The following COL21A1 variants were observed in gnomAD, a reference collection of about 807,000 sequenced individuals.
The protein encoded by COL21A1 is collagen type XXI alpha 1 chain.
In COL21A1, 149 loss-of-function variants were observed where a neutral mutation model predicts 137.9. The ratio of observed to expected loss-of-function variants is 1.08; its 90% CI spans 0.95 to 1.24. The LOEUF (loss-of-function observed/expected upper bound fraction) is 1.24, where lower values mean the gene tolerates loss of function less well. Ranked by LOEUF, COL21A1 falls within the 50% of genes most tolerant of loss-of-function variation. COL21A1 has a pLI of 0.00. For synonymous variants in COL21A1, 456 were observed against 391.5 expected (o/e 1.16, Z -1.95); for missense variants, 1,167 against 1,158.4 (o/e 1.01, Z -0.11).
chr6:56,143,066 A>G (rs1024447643), intron 10 of COL21A1, among the ~76,000 whole-genome samples: 2 of 151,866 alleles, frequency 1.3e-5, no homozygotes, highest in Non-Finnish European at 2.9e-5. Context: ...ATTCTTTGCT[A>G]CCTCTAGTAA....
chr6:56,084,412 A>G (rs893879248), intron 17 of COL21A1, among the ~76,000 whole-genome samples: 6 of 151,956 alleles, frequency 3.9e-5, no homozygotes, highest in Non-Finnish European at 7.4e-5. Flanking sequence ...ATTTGTAAAG[A>G]AAAAGTCCAG....
intron 1 of COL21A1, among the ~76,000 whole-genome samples, chr6:56,359,504 GT>G (rs896579835): frequency 6.6e-6 from 1 of 152,078 alleles, no homozygotes; most frequent in African/African-American, 2.4e-5. Context: ...GTTGGTTTGG[GT>G]TTTTTTCTGT....
At chr6:56,241,040 C>G (rs1782285075) in intron 1 of COL21A1, among the ~76,000 whole-genome samples, 1 of 152,130 alleles carries the variant, frequency 6.6e-6, no homozygotes, top group South Asian at 2.1e-4. Flanking sequence ...CATAGGCACC[C>G]AAGTAGGAGC....
chr6:56,143,345 C>A (rs931306708), intron 10 of COL21A1, among the ~76,000 whole-genome samples: 1 of 151,622 alleles, frequency 6.6e-6, no homozygotes, highest in Non-Finnish European at 1.5e-5. Flanking sequence ...GGACTACAGG[C>A]GTCCACCACC....
intron 3 of COL21A1, among the ~76,000 whole-genome samples, chr6:56,172,854 A>G (rs960090314): frequency 1.3e-5 from 2 of 152,156 alleles, no homozygotes; most frequent in African/African-American, 4.8e-5. Flanking sequence ...TGTTATAATT[A>G]CATGATGTTT....
intron 12 of COL21A1, among the ~76,000 whole-genome samples, chr6:56,137,732 A>C (rs1774104972): frequency 6.6e-6 from 1 of 151,306 alleles, no homozygotes; most frequent in South Asian, 2.1e-4. Context: ...TAATACCAAC[A>C]GAAAAAAGAG....
intron 1 of COL21A1, among the ~76,000 whole-genome samples, chr6:56,288,478 T>C (rs1763966129): frequency 6.6e-6 from 1 of 152,206 alleles, no homozygotes; most frequent in South Asian, 2.1e-4. Context: ...GCAATTATGC[T>C]CAAGAGATGA....
intron 10 of COL21A1, among the ~76,000 whole-genome samples, chr6:56,144,416 A>G (rs903412342): frequency 3.9e-5 from 6 of 152,228 alleles, no homozygotes; most frequent in Admixed American, 3.9e-4. Context: ...GAGTGCCCAG[A>G]GGAAAGGAAT....
chr6:56,383,595 A>C (rs1210533425), intron 1 of COL21A1, among the ~76,000 whole-genome samples: 1 of 152,198 alleles, frequency 6.6e-6, no homozygotes, highest in Non-Finnish European at 1.5e-5. Flanking sequence ...GATTCTGATA[A>C]GGAAAGAAAA....
intron 17 of COL21A1, among the ~76,000 whole-genome samples, chr6:56,098,678 A>AATATATATAAATATATAAAT (rs1307058258): frequency 1.9e-5 from 1 of 52,064 alleles, no homozygotes; most frequent in African/African-American, 8.4e-5. Context: ...TATATATATA[A>AATATATATAAATATATAAAT]ATATATATAA....
chr6:56,088,686 C>A (rs1375110896), intron 17 of COL21A1, among the ~76,000 whole-genome samples: 1 of 152,086 alleles, frequency 6.6e-6, no homozygotes, highest in Admixed American at 6.6e-5. Context: ...TTTTTGGGAG[C>A]ACTTCCAAAA....
At chr6:56,247,016 C>T (rs1782689303) in intron 1 of COL21A1, among the ~76,000 whole-genome samples, 1 of 152,182 alleles carries the variant, frequency 6.6e-6, no homozygotes, top group Admixed American at 6.5e-5. Flanking sequence ...CAGCTCTGCG[C>T]GCTCAGCGCC....
intron 16 of COL21A1, among the ~76,000 whole-genome samples, chr6:56,114,914 G>A (rs1337825142): frequency 2.7e-5 from 4 of 147,906 alleles, no homozygotes; most frequent in Non-Finnish European, 6.0e-5. Flanking sequence ...CAAAGACTTG[G>A]AACCAACCCA....
At chr6:56,285,868 G>A (rs954676032) in intron 1 of COL21A1, among the ~76,000 whole-genome samples, 2 of 139,364 alleles carry the variant, frequency 1.4e-5, no homozygotes, top group African/African-American at 5.3e-5. Flanking sequence ...CCCAAACACA[G>A]CTTGCTTACT....
intron 16 of COL21A1, among the ~76,000 whole-genome samples, chr6:56,116,826 G>A (rs982882759): frequency 1.3e-5 from 2 of 151,966 alleles, no homozygotes; most frequent in African/African-American, 4.8e-5. Flanking sequence ...GTTAAGGCAA[G>A]TTTTTATTAG....
intron 1 of COL21A1, chr6:56,276,806 T>G (rs1344018048): frequency 8.0e-5 from 69 of 858,552 alleles, no homozygotes; most frequent in Non-Finnish European, 1.1e-4. Context: ...GTGTTTTTTT[T>G]GTTTTTTTTG....
At chr6:56,218,637 C>T (rs1780633797) in intron 1 of COL21A1, among the ~76,000 whole-genome samples, 1 of 152,068 alleles carries the variant, frequency 6.6e-6, no homozygotes, top group Admixed American at 6.6e-5. Context: ...TTACTTACTG[C>T]TCATTTTACA....
intron 1 of COL21A1, among the ~76,000 whole-genome samples, chr6:56,368,094 A>T (rs879726472): frequency 2.5e-4 from 38 of 152,222 alleles, no homozygotes; most frequent in African/African-American, 8.0e-4. Flanking sequence ...GTGAAAAAAA[A>T]TTTTAACCTT....
chr6:56,278,323 C>G (rs79082665), intron 1 of COL21A1, among the ~76,000 whole-genome samples: 17,663 of 152,108 alleles, frequency 0.12, 1,825 homozygotes, highest in African/African-American at 0.28. Flanking sequence ...CAAAAGCATT[C>G]CAGCTGACAC....
Sources: gnomAD v4.1 joint callset for allele counts (sites outside exome capture counted in the v4.1 genomes callset) on GRCh38, gnomAD v4.1.1 for gene constraint, MANE v1.5 for transcripts, NCBI Gene and HGNC (gene_info 2026-07-23, HGNC 2026-07-21) for gene names.